Variants in DLG2 observed in about 807,000 individuals in gnomAD.
DLG2 encodes discs large MAGUK scaffold protein 2, also known as disks large homolog 2.
Under a neutral mutation model 132.5 loss-of-function variants are expected in DLG2, and 45 were observed. The ratio of observed to expected loss-of-function variants is 0.34; its 90% CI spans 0.27 to 0.44. DLG2 has a LOEUF of 0.44. DLG2 is among the 20% of genes least tolerant of loss of function. The pLI is 1.00. For missense variants in DLG2, 1,045 were observed against 1,196.9 expected, an observed-to-expected ratio of 0.87 and a Z score of 1.87; for synonymous variants, 424 against 419.6, an observed-to-expected ratio of 1.01 and a Z score of -0.13.
chr11:85,198,012 T>C (rs910263827), intron 4 of DLG2, among the ~76,000 whole-genome samples: 1 of 152,150 alleles, frequency 6.6e-6, no homozygotes, highest in East Asian at 1.9e-4. Context: ...ATTATAATTA[T>C]GATAAATAAC....
At chr11:83,637,767 C>T (rs981040438) in intron 18 of DLG2, among the ~76,000 whole-genome samples, 2 of 152,168 alleles carry the variant, frequency 1.3e-5, no homozygotes, top group African/African-American at 2.4e-5. Flanking sequence ...GGTCTTCCCT[C>T]TATCAAACTG....
chr11:85,420,787 C>G (rs1185748295), intron 3 of DLG2, among the ~76,000 whole-genome samples: 1 of 152,130 alleles, frequency 6.6e-6, no homozygotes. Flanking sequence ...CCCCTCCCCC[C>G]ACCAAGCTCG....
intron 3 of DLG2, among the ~76,000 whole-genome samples, chr11:85,316,277 A>G (rs2080669064): frequency 6.6e-6 from 1 of 152,030 alleles, no homozygotes; most frequent in African/African-American, 2.4e-5. Context: ...TTAAAATGCT[A>G]CTTCGATTTA....
At chr11:85,396,838 A>G (rs1410188729) in intron 3 of DLG2, among the ~76,000 whole-genome samples, 1 of 152,230 alleles carries the variant, frequency 6.6e-6, no homozygotes, top group African/African-American at 2.4e-5. Flanking sequence ...AATTGAACCA[A>G]GTTAGAAAAC....
chr11:85,241,614 T>C (rs898567943), intron 4 of DLG2, among the ~76,000 whole-genome samples: 1 of 151,984 alleles, frequency 6.6e-6, no homozygotes, highest in Admixed American at 6.6e-5. Context: ...CAAAGTTCTG[T>C]TCTAACACAA....
intron 18 of DLG2, among the ~76,000 whole-genome samples, chr11:83,746,736 G>T (rs1005917254): frequency 1.3e-5 from 2 of 151,972 alleles, no homozygotes; most frequent in Admixed American, 1.3e-4. Context: ...TAAAAAAAAA[G>T]TTTGTAATAC....
chr11:84,069,039 A>C (rs1187829833), intron 10 of DLG2, among the ~76,000 whole-genome samples: 1 of 152,168 alleles, frequency 6.6e-6, no homozygotes, highest in Non-Finnish European at 1.5e-5. Flanking sequence ...CAAGTAACAA[A>C]ATCTAGATCA....
chr11:84,455,577 A>T (rs76332088), intron 7 of DLG2, among the ~76,000 whole-genome samples: 2,903 of 151,356 alleles, frequency 0.019, 102 homozygotes, highest in African/African-American at 0.065. Flanking sequence ...ATGCATTTTT[A>T]AAAAAAGTTA....
chr11:85,124,682 G>A (rs1352915267), intron 5 of DLG2, among the ~76,000 whole-genome samples: 2 of 152,136 alleles, frequency 1.3e-5, no homozygotes, highest in East Asian at 3.9e-4. Flanking sequence ...GGTCCCTCAG[G>A]TAGCTATAAT....
chr11:84,673,436 C>T (rs1190585195), intron 6 of DLG2, among the ~76,000 whole-genome samples: 1 of 151,704 alleles, frequency 6.6e-6, no homozygotes, highest in African/African-American at 2.4e-5. Flanking sequence ...CTGTTTCCTC[C>T]TACCAAAATG....
At chr11:85,416,345 C>T (rs1478976646) in intron 3 of DLG2, among the ~76,000 whole-genome samples, 1 of 152,138 alleles carries the variant, frequency 6.6e-6, no homozygotes, top group African/African-American at 2.4e-5. Flanking sequence ...GTTACTGTAG[C>T]CTTGTAGTAT....
intron 8 of DLG2, among the ~76,000 whole-genome samples, chr11:84,213,545 C>T (rs554776999): frequency 5.9e-5 from 9 of 152,194 alleles, no homozygotes; most frequent in Admixed American, 3.3e-4. Context: ...AGAGGCCAGG[C>T]GCGGTGGCTC....
intron 6 of DLG2, among the ~76,000 whole-genome samples, chr11:84,782,103 T>C (rs999488593): frequency 1.3e-5 from 2 of 152,044 alleles, no homozygotes. Flanking sequence ...CTTCCATGGA[T>C]ACCTGCAAAA....
chr11:84,694,001 G>A (rs1440910353), intron 6 of DLG2, among the ~76,000 whole-genome samples: 1 of 151,612 alleles, frequency 6.6e-6, no homozygotes, highest in Non-Finnish European at 1.5e-5. Context: ...ACATGTAATT[G>A]TTTTAAGTAG....
At position 83,997,113 on chromosome 11, in the gene DLG2, AC is replaced by A. The variant is rs1395816177; in HGVS notation, c.920-16472del. Among the ~76,000 whole-genome samples the A allele has an allele frequency of 2.1e-3, 142 of 67,490 alleles. 1 individual carries two copies. The highest frequency in any genetic ancestry group is 9.4e-3 in the African/African-American group (131 of 13,990). 44.3% of individuals were successfully genotyped at this position (67,490 alleles called of 152,430 possible). On this transcript the variant is annotated intron_variant, in intron 11 of 27. Coordinates refer to ENST00000376104, the MANE Select transcript of DLG2 (RefSeq NM_001142699.3). Reference sequence around the variant, plus strand: ...ATATAACTACTATGTACTCACAAAAACTAAAAGTAAAAAAAAAAAAATAAAA... The same window carrying A: ...ATATAACTACTATGTACTCACAAAAATAAAAGTAAAAAAAAAAAAATAAAA...
At chr11:84,269,220 C>T (rs1048241380) in intron 7 of DLG2, among the ~76,000 whole-genome samples, 1 of 152,140 alleles carries the variant, frequency 6.6e-6, no homozygotes, top group African/African-American at 2.4e-5. Flanking sequence ...AAGGTAAATA[C>T]CCCCAGGGCA....
intron 8 of DLG2, among the ~76,000 whole-genome samples, chr11:84,217,801 A>T (rs1566961604): frequency 6.6e-6 from 1 of 152,206 alleles, no homozygotes. Context: ...GCTAGGAAAC[A>T]TGTTTTCAGT....
chr11:85,292,624 C>CGAAGGAAGGAAGGAAGGCAG (rs2078963454), intron 3 of DLG2, among the ~76,000 whole-genome samples: 2 of 14,460 alleles, frequency 1.4e-4, no homozygotes, highest in Non-Finnish European at 2.9e-4. Context: ...AAAGCACAAC[C>CGAAGGAAGGAAGGAAGGCAG]GAAGGAAGGA....
chr11:85,087,844 CAAAA>C lies in DLG2; in HGVS notation c.357+23813_357+23816del, dbSNP rs71465019. 9.8e-3 allele frequency among the ~76,000 whole-genome samples: 215 copies of C among 21,996 alleles called. 2 individuals carry two copies. The highest frequency in any genetic ancestry group is 0.031 in the Middle Eastern group (1 of 32). The allele number at this position is 21,996 out of a possible 152,430, so 14.4% of individuals were successfully genotyped here. A position where few individuals can be genotyped will look rare whatever the true frequency, so the allele number is the denominator to read the frequency against. On this transcript the variant is annotated intron_variant, in intron 6 of 27. Coordinates refer to ENST00000376104, the MANE Select transcript of DLG2 (RefSeq NM_001142699.3). ...TGGGCGACAGAGCGAGACTCCGTCT[CAAAA>C]AAAAAAAAAAAAAAAAAAAAACAGA...
Sources: gnomAD v4.1 joint callset for allele counts (sites outside exome capture counted in the v4.1 genomes callset) on GRCh38, gnomAD v4.1.1 for gene constraint, MANE v1.5 for transcripts, NCBI Gene and HGNC (gene_info 2026-07-23, HGNC 2026-07-21) for gene names.